The following PEAK1 variants were observed in gnomAD, a reference collection of about 807,000 sequenced individuals.
PEAK1 encodes inactive tyrosine-protein kinase PEAK1.
In PEAK1, 54 loss-of-function variants were observed where a neutral mutation model predicts 124.7. The ratio of observed to expected loss-of-function variants is 0.43; its 90% CI spans 0.35 to 0.54. The LOEUF (loss-of-function observed/expected upper bound fraction) is 0.54. Among genes scored for constraint, PEAK1 ranks in the 20% least tolerant of loss-of-function variants. The pLI, the probability that PEAK1 is intolerant of heterozygous loss-of-function variation, is 0.01. For synonymous variants in PEAK1, 719 were observed against 760.0 expected (o/e 0.95, Z 0.89); for missense variants, 2,046 against 2,134.5 (o/e 0.96, Z 0.82).
At chr15:77,189,320 T>C (rs547103914) in intron 6 of PEAK1, among the ~76,000 whole-genome samples, 139 of 152,290 alleles carry the variant, frequency 9.1e-4, no homozygotes, top group African/African-American at 3.2e-3. Context: ...ACATAGCTAG[T>C]AAATGGCAGA....
intron 7 of PEAK1, among the ~76,000 whole-genome samples, chr15:77,174,040 G>C (rs1475483893): frequency 6.6e-6 from 1 of 152,112 alleles, no homozygotes; most frequent in African/African-American, 2.4e-5. Flanking sequence ...TTATAGCCTT[G>C]TACACTGAAG....
At chr15:77,142,908 T>G (rs2053898096) in intron 8 of PEAK1, among the ~76,000 whole-genome samples, 1 of 152,326 alleles carries the variant, frequency 6.6e-6, no homozygotes, top group South Asian at 2.1e-4. Context: ...ACATTAGTGA[T>G]GCTTGCAAAA....
chr15:77,242,254 G>A (rs1470908445), intron 6 of PEAK1, among the ~76,000 whole-genome samples: 1 of 152,016 alleles, frequency 6.6e-6, no homozygotes, highest in Non-Finnish European at 1.5e-5. Context: ...GCATGTGTGT[G>A]TACATATATA....
At chr15:77,201,569 C>T (rs140327726) in intron 6 of PEAK1, among the ~76,000 whole-genome samples, 11 of 152,194 alleles carry the variant, frequency 7.2e-5, no homozygotes, top group Middle Eastern at 3.4e-3. Context: ...CACTGTTTTC[C>T]TATTTCCAAA....
At chr15:77,300,636 A>G (rs1038432737) in intron 2 of PEAK1, among the ~76,000 whole-genome samples, 3 of 152,234 alleles carry the variant, frequency 2.0e-5, no homozygotes, top group East Asian at 3.9e-4. Context: ...ACTAAAGTCC[A>G]TATTTTATTC....
At chr15:77,408,084 C>T (rs62007281) in intron 1 of PEAK1, among the ~76,000 whole-genome samples, 1 of 146,322 alleles carries the variant, frequency 6.8e-6, no homozygotes, top group Non-Finnish European at 1.5e-5. Flanking sequence ...CATATATACA[C>T]ATATATACAC....
At chr15:77,142,911 T>C (rs2152756595) in intron 8 of PEAK1, among the ~76,000 whole-genome samples, 1 of 152,294 alleles carries the variant, frequency 6.6e-6, no homozygotes, top group Non-Finnish European at 1.5e-5. Context: ...TTAGTGATGC[T>C]TGCAAAATTC....
At chr15:77,287,346 G>C (rs1462609890) in intron 2 of PEAK1, among the ~76,000 whole-genome samples, 1 of 152,198 alleles carries the variant, frequency 6.6e-6, no homozygotes, top group Admixed American at 6.5e-5. Flanking sequence ...AATGAAAATG[G>C]ATAAAATATA....
intron 1 of PEAK1, among the ~76,000 whole-genome samples, chr15:77,386,824 A>G (rs900248011): frequency 2.0e-5 from 3 of 152,138 alleles, no homozygotes; most frequent in Non-Finnish European, 2.9e-5. Context: ...TGAACTGCAA[A>G]CTCATGCCTC....
intron 2 of PEAK1, among the ~76,000 whole-genome samples, chr15:77,331,957 C>T (rs1395175243): frequency 5.3e-5 from 8 of 151,558 alleles, no homozygotes; most frequent in Admixed American, 5.3e-4. Flanking sequence ...GCTCTAGAGG[C>T]TGGGCGAGGT....
chr15:77,151,321 G>A (rs1224167218), intron 8 of PEAK1, among the ~76,000 whole-genome samples: 1 of 152,068 alleles, frequency 6.6e-6, no homozygotes, highest in Non-Finnish European at 1.5e-5. Flanking sequence ...CTTTTGAGAA[G>A]TGTCTGTTCA....
intron 5 of PEAK1, among the ~76,000 whole-genome samples, chr15:77,262,168 A>C (rs1160065908): frequency 6.6e-6 from 1 of 152,210 alleles, no homozygotes; most frequent in Admixed American, 6.5e-5. Context: ...TCAAACTGTA[A>C]AGACCATCGA....
chr15:77,180,021 C>T lies in PEAK1; in HGVS notation c.1906G>A (p.Asp636Asn). Residue 636 changes from aspartate to asparagine, a missense_variant, in exon 7 of 10, where the codon GAC becomes AAC. Physicochemically the swap from Asp to Asn is conservative, Grantham distance 23. Coordinates refer to ENST00000682557, the MANE Select transcript of PEAK1 (RefSeq NM_001385026.1). ...AAACTTTTGTAGATAGCTAGATTGT[C>T]ATATGCATTTGGATTGATAACAATG... ...VPIVINPNAYDNLAIYKSFLG... is the reference protein window; with the variant it reads ...VPIVINPNAYNNLAIYKSFLG... 1 of 1,614,024 alleles carries T rather than the reference C, an allele frequency of 6.2e-7. No individual in the cohort carries two copies. Among genetic ancestry groups the T allele is most frequent in the Non-Finnish European group, 8.5e-7 (1 of 1,179,944 alleles).
At position 77,232,408 on chromosome 15, in the gene PEAK1, A is replaced by G. The variant is rs114229656; in HGVS notation, c.-115+19959T>C. Among the ~76,000 whole-genome samples, 790 of 152,330 alleles carry G rather than the reference A, an allele frequency of 5.2e-3. 9 individuals are homozygous for G. Among genetic ancestry groups the G allele is most frequent in the African/African-American group, 0.018 (761 of 41,574 alleles). On this transcript the variant is annotated intron_variant, in intron 6 of 9. Transcript: ENST00000682557. ...ATGGGGATTTAACACTGTCAGATAC[A>G]GAATCCAATCACTTCTTTCTATATA...
intron 2 of PEAK1, among the ~76,000 whole-genome samples, chr15:77,341,106 A>C (rs1022733912): frequency 6.6e-6 from 1 of 152,118 alleles, no homozygotes; most frequent in African/African-American, 2.4e-5. Context: ...AAAAATACAC[A>C]TAGGACAAGG....
intron 2 of PEAK1, among the ~76,000 whole-genome samples, chr15:77,336,766 A>G (rs2066227453): frequency 6.6e-6 from 1 of 152,210 alleles, no homozygotes; most frequent in African/African-American, 2.4e-5. Flanking sequence ...AAATGTATAA[A>G]TAAGACAAAT....
intron 1 of PEAK1, among the ~76,000 whole-genome samples, chr15:77,407,652 T>A (rs1386611115): frequency 6.6e-6 from 1 of 152,202 alleles, no homozygotes; most frequent in Non-Finnish European, 1.5e-5. Flanking sequence ...TTTACACTGC[T>A]GGTGGGAATG....
intron 6 of PEAK1, among the ~76,000 whole-genome samples, chr15:77,246,908 C>T (rs1486030823): frequency 6.6e-6 from 1 of 152,036 alleles, no homozygotes; most frequent in Non-Finnish European, 1.5e-5. Flanking sequence ...ATCCTAGCTA[C>T]TCAAGAGGCT....
intron 6 of PEAK1, among the ~76,000 whole-genome samples, chr15:77,195,144 C>G (rs1490508491): frequency 1.3e-5 from 2 of 151,900 alleles, no homozygotes; most frequent in African/African-American, 4.8e-5. Flanking sequence ...CACCCTAAAT[C>G]TTAGTATGCA....
Sources: allele counts gnomAD v4.1 joint callset (sites outside exome capture counted in the v4.1 genomes callset), GRCh38; gene constraint gnomAD v4.1.1; transcripts MANE v1.5; gene names NCBI Gene and HGNC (gene_info 2026-07-23, HGNC 2026-07-21).